The following GLT1D1 variants were observed in gnomAD, a reference collection of about 807,000 sequenced individuals.
The protein encoded by GLT1D1 is glycosyltransferase 1 domain-containing protein 1.
GLT1D1 carries 21 observed loss-of-function variants against 28.7 expected under a neutral mutation model. The observed-to-expected ratio is 0.73, with a 90% CI of 0.52 to 1.05. The LOEUF (loss-of-function observed/expected upper bound fraction) is 1.05, where lower values mean the gene tolerates loss of function less well. GLT1D1 is among the 50% of genes least tolerant of loss of function. The pLI is 0.00. For missense variants in GLT1D1, 343 were observed against 330.6 expected (o/e 1.04, Z -0.29); for synonymous variants, 147 against 124.8 (o/e 1.18, Z -1.19).
chr12:128,921,944 A>G (rs925510484), intron 4 of GLT1D1, among the ~76,000 whole-genome samples: 1 of 150,544 alleles, frequency 6.6e-6, no homozygotes, highest in Admixed American at 6.6e-5. Context: ...CAATTCGGTA[A>G]TACTGATTCT....
chr12:128,881,553 AAAAAAAAAATATATATATATATAT>A (rs1468341281), intron 2 of GLT1D1, among the ~76,000 whole-genome samples: 7 of 68,130 alleles, frequency 1.0e-4, no homozygotes, highest in Middle Eastern at 8.1e-3. Flanking sequence ...AAAAAAAAAA[AAAAAAAAAATATATATATATATAT>A]ATATATATAT....
At chr12:128,866,421 A>G (rs1309076625) in intron 1 of GLT1D1, among the ~76,000 whole-genome samples, 1 of 151,656 alleles carries the variant, frequency 6.6e-6, no homozygotes, top group Non-Finnish European at 1.5e-5. Context: ...TTTTTAAGCA[A>G]TTGAAATATA....
intron 5 of GLT1D1, among the ~76,000 whole-genome samples, chr12:128,945,723 C>G (rs965756446): frequency 1.3e-5 from 2 of 152,180 alleles, no homozygotes; most frequent in Admixed American, 1.3e-4. Context: ...GCCAGGAACC[C>G]AACAGCACAG....
intron 7 of GLT1D1, among the ~76,000 whole-genome samples, chr12:128,973,348 AT>A (rs369304204): frequency 0.01 from 1,218 of 118,830 alleles, 17 homozygotes; most frequent in African/African-American, 0.028. Context: ...ACACCTGGCT[AT>A]TTTTTTTTTT....
At chr12:128,951,227 AC>A (rs1448880796) in intron 6 of GLT1D1, among the ~76,000 whole-genome samples, 3 of 152,042 alleles carry the variant, frequency 2.0e-5, no homozygotes, top group African/African-American at 7.3e-5. Flanking sequence ...ACATGATGAA[AC>A]CCTGTCTCTA....
chr12:128,944,487 C>T (rs529168654), intron 4 of GLT1D1: 3 of 1,194,716 alleles, frequency 2.5e-6, no homozygotes, highest in Non-Finnish European at 2.5e-6. Flanking sequence ...TGAGCGGCTC[C>T]CCTGTCAGAG....
At chr12:128,874,127 T>TC (rs1491397186) in intron 1 of GLT1D1, among the ~76,000 whole-genome samples, 76 of 49,946 alleles carry the variant, frequency 1.5e-3, no homozygotes, top group African/African-American at 2.7e-3. Context: ...TCTCTCTCTC[T>TC]TTCTTTCTTT....
intron 4 of GLT1D1, among the ~76,000 whole-genome samples, chr12:128,910,528 G>A (rs1362188933): frequency 6.6e-6 from 1 of 152,046 alleles, no homozygotes; most frequent in Non-Finnish European, 1.5e-5. Context: ...CCAGGCGAGT[G>A]TTTTGGACAC....
At chr12:128,969,904 G>T (rs1878865328) in intron 7 of GLT1D1, among the ~76,000 whole-genome samples, 1 of 152,098 alleles carries the variant, frequency 6.6e-6, no homozygotes, top group Admixed American at 6.5e-5. Context: ...GAGCCCGCAG[G>T]CTCCAGCTGG....
chr12:128,880,466 T>A (rs1247795375), intron 2 of GLT1D1, among the ~76,000 whole-genome samples: 3 of 152,210 alleles, frequency 2.0e-5, no homozygotes, highest in Non-Finnish European at 2.9e-5. Context: ...TTCCTCAGGG[T>A]TATGTTTTTG....
chr12:128,947,385 ACGCGGTGGTGAAGAATTGCTT>A lies in GLT1D1; in HGVS notation c.480_500del (p.Lys160_Val166del). ...GGAGAGATGCCTCAAGAAGATCTGC[ACGCGGTGGTGAAGAATTGCTT>A]CGCGGTGGTGAATAGCTCTGTCTCT... On this transcript the variant is annotated inframe_deletion, in exon 6 of 8. Transcript: ENST00000281703. The A allele has an allele frequency of 1.9e-6, 3 of 1,613,994 alleles. No homozygotes were observed. The highest frequency in any genetic ancestry group is 2.5e-6 in the Non-Finnish European group (3 of 1,179,980).
chr12:128,905,187 A>C (rs1365251675), intron 4 of GLT1D1, among the ~76,000 whole-genome samples: 1 of 152,178 alleles, frequency 6.6e-6, no homozygotes, highest in Non-Finnish European at 1.5e-5. Flanking sequence ...GTACACACCC[A>C]CTATATGTCA....
At chr12:128,954,820 G>A (rs561541742) in intron 6 of GLT1D1, among the ~76,000 whole-genome samples, 93 of 152,278 alleles carry the variant, frequency 6.1e-4, no homozygotes, top group African/African-American at 2.1e-3. Flanking sequence ...TGAGGATGGT[G>A]GCATGTGCCT....
intron 2 of GLT1D1, among the ~76,000 whole-genome samples, chr12:128,882,829 T>C (rs2135815695): frequency 6.6e-6 from 1 of 152,286 alleles, no homozygotes; most frequent in East Asian, 1.9e-4. Flanking sequence ...ACACCCTAAA[T>C]GGCACACAAG....
chr12:128,929,623 T>C (rs1873653734), intron 4 of GLT1D1, among the ~76,000 whole-genome samples: 1 of 152,162 alleles, frequency 6.6e-6, no homozygotes, highest in African/African-American at 2.4e-5. Context: ...TTTCAAAGGC[T>C]TTTGGAAATA....
At chr12:128,863,707 C>T (rs773062068) in intron 1 of GLT1D1, among the ~76,000 whole-genome samples, 4 of 152,050 alleles carry the variant, frequency 2.6e-5, no homozygotes, top group Non-Finnish European at 5.9e-5. Context: ...TCAGGTTTTA[C>T]ACAGGAAGGC....
At chr12:128,952,822 A>G (rs1428915012) in intron 6 of GLT1D1, among the ~76,000 whole-genome samples, 1 of 109,192 alleles carries the variant, frequency 9.2e-6, no homozygotes, top group African/African-American at 3.6e-5. Flanking sequence ...TCTGTCACCC[A>G]GGCTGGAGTG....
At chr12:128,871,863 G>T (rs780310133) in intron 1 of GLT1D1, among the ~76,000 whole-genome samples, 5 of 152,114 alleles carry the variant, frequency 3.3e-5, no homozygotes, top group African/African-American at 1.2e-4. Context: ...AAAAGGGCTA[G>T]GTTGGACTTG....
intron 1 of GLT1D1, among the ~76,000 whole-genome samples, chr12:128,856,055 G>A (rs1028903776): frequency 6.6e-6 from 1 of 152,062 alleles, no homozygotes; most frequent in Admixed American, 6.6e-5. Context: ...CCTGGCCTTG[G>A]TTGTCCATTT....
Sources: gnomAD v4.1 joint callset for allele counts (sites outside exome capture counted in the v4.1 genomes callset) on GRCh38, gnomAD v4.1.1 for gene constraint, MANE v1.5 for transcripts, NCBI Gene and HGNC (gene_info 2026-07-23, HGNC 2026-07-21) for gene names.